Variants in ADGRL3 observed in about 807,000 individuals in gnomAD.
The protein encoded by ADGRL3 is adhesion G protein-coupled receptor L3.
ADGRL3 carries 62 observed loss-of-function variants against 153.5 expected under a neutral mutation model. The observed-to-expected ratio is 0.40, with a 90% CI of 0.33 to 0.50. ADGRL3 has a LOEUF of 0.50. ADGRL3 is among the 20% of genes least tolerant of loss of function. The probability of loss-of-function intolerance (pLI) is 0.47; values close to 1 mark genes in which losing one functional copy is unlikely to be tolerated. For missense variants in ADGRL3, 1,641 were observed against 1,859.4 expected (o/e 0.88, Z 2.16); for synonymous variants, 710 against 672.5 (o/e 1.06, Z -0.86).
chr4:61,334,694 G>C (rs755428808), intron 1 of ADGRL3, among the ~76,000 whole-genome samples: 4 of 151,800 alleles, frequency 2.6e-5, no homozygotes, highest in Non-Finnish European at 5.9e-5. Flanking sequence ...TGCTTTTTTG[G>C]GTTAGGAACA....
intron 8 of ADGRL3, among the ~76,000 whole-genome samples, chr4:61,771,596 T>G (rs369396125): frequency 6.6e-6 from 1 of 151,954 alleles, no homozygotes; most frequent in East Asian, 1.9e-4. Context: ...AATTAGTTAT[T>G]TTTTTAGAGA....
chr4:61,589,727 A>G (rs55636236), intron 5 of ADGRL3, among the ~76,000 whole-genome samples: 2,382 of 152,172 alleles, frequency 0.016, 68 homozygotes, highest in East Asian at 0.13. Flanking sequence ...CTTCAGAGTG[A>G]TGCAGTAGAC....
chr4:61,243,005 C>A (rs900312078), intron 1 of ADGRL3, among the ~76,000 whole-genome samples: 1 of 152,006 alleles, frequency 6.6e-6, no homozygotes, highest in African/African-American at 2.4e-5. Flanking sequence ...GTGCCATAAG[C>A]AGTCTACAAA....
At chr4:61,448,788 G>T in intron 2 of ADGRL3, among the ~76,000 whole-genome samples, 1 of 59,448 alleles carries the variant, frequency 1.7e-5, no homozygotes. Context: ...GGGAAGGAGG[G>T]AGGGTAGGAG....
chr4:61,954,945 G>A (rs2098960673), intron 17 of ADGRL3, among the ~76,000 whole-genome samples: 1 of 152,130 alleles, frequency 6.6e-6, no homozygotes, highest in Admixed American at 6.6e-5. Flanking sequence ...TTTGTTCACT[G>A]GGGTGCTCAG....
At chr4:61,308,290 C>T (rs531792629) in intron 1 of ADGRL3, among the ~76,000 whole-genome samples, 1 of 152,236 alleles carries the variant, frequency 6.6e-6, no homozygotes, top group South Asian at 2.1e-4. Context: ...GGAAAAGTCT[C>T]CCACCCTAAC....
chr4:61,313,935 C>T (rs1176482402), intron 1 of ADGRL3, among the ~76,000 whole-genome samples: 6 of 152,202 alleles, frequency 3.9e-5, no homozygotes, highest in African/African-American at 1.4e-4. Context: ...AACCTATAGA[C>T]ATGCCAGCTC....
intron 21 of ADGRL3, among the ~76,000 whole-genome samples, chr4:62,012,866 C>T (rs1046224994): frequency 3.3e-5 from 5 of 152,016 alleles, no homozygotes; most frequent in Non-Finnish European, 5.9e-5. Context: ...GGGATTTCAG[C>T]GTTATTAGTA....
chr4:61,280,421 G>GAAA (rs3035660), intron 1 of ADGRL3, among the ~76,000 whole-genome samples: 3 of 151,336 alleles, frequency 2.0e-5, no homozygotes, highest in Non-Finnish European at 2.9e-5. Context: ...TTTTCAAGAA[G>GAAA]TATAAATTAA....
intron 11 of ADGRL3, among the ~76,000 whole-genome samples, chr4:61,905,375 T>G (rs1560353466): frequency 6.6e-6 from 1 of 152,212 alleles, no homozygotes; most frequent in Admixed American, 6.5e-5. Context: ...TTTAAATGTA[T>G]GAATTTTAAT....
At chr4:61,840,106 G>A (rs898134668) in intron 9 of ADGRL3, among the ~76,000 whole-genome samples, 1 of 152,090 alleles carries the variant, frequency 6.6e-6, no homozygotes, top group African/African-American at 2.4e-5. Context: ...ATTTGAGAAG[G>A]AATATTTCTG....
At chr4:61,530,156 G>A (rs1331589414) in intron 4 of ADGRL3, among the ~76,000 whole-genome samples, 1 of 152,056 alleles carries the variant, frequency 6.6e-6, no homozygotes, top group East Asian at 1.9e-4. Flanking sequence ...CCACAGATTT[G>A]GACATTATCT....
chr4:61,314,607 G>A (rs965362772), intron 1 of ADGRL3, among the ~76,000 whole-genome samples: 2 of 152,166 alleles, frequency 1.3e-5, no homozygotes, highest in Non-Finnish European at 1.5e-5. Flanking sequence ...TTGCTGGCTC[G>A]TTGAAAAGTT....
At position 61,813,984 on chromosome 4, in the gene ADGRL3, G is replaced by A; in HGVS notation, c.1480+95G>A. The A allele has an allele frequency of 5.4e-6, 8 of 1,486,378 alleles. No individual in the cohort carries two copies. In the South Asian group the frequency reaches 6.5e-5, roughly 12 times the overall value. 92.1% of individuals were successfully genotyped at this position (1,486,378 alleles called of 1,614,324 possible). ...ATATGTATTTTGTAATGCAGTGCCT[G>A]TTCAAAAAGCAGGGGTAAAATGAAG... On this transcript the variant is annotated intron_variant, in intron 9 of 26. Coordinates refer to ENST00000683033, the MANE Select transcript of ADGRL3 (RefSeq NM_001387552.1).
At chr4:61,203,311 G>C (rs1393533087) in intron 1 of ADGRL3, among the ~76,000 whole-genome samples, 1 of 152,212 alleles carries the variant, frequency 6.6e-6, no homozygotes, top group Non-Finnish European at 1.5e-5. Context: ...CCCTGTGTCT[G>C]CGTGTGATCC....
At chr4:61,534,151 T>C (rs1168020400) in intron 4 of ADGRL3, among the ~76,000 whole-genome samples, 1 of 152,134 alleles carries the variant, frequency 6.6e-6, no homozygotes, top group Admixed American at 6.5e-5. Flanking sequence ...CCCAGTTTCA[T>C]TTTTCTGCAT....
chr4:62,038,453 G>A (rs568944877), intron 24 of ADGRL3, among the ~76,000 whole-genome samples: 1 of 152,224 alleles, frequency 6.6e-6, no homozygotes, highest in South Asian at 2.1e-4. Flanking sequence ...TAGGTAAACT[G>A]TGTGCCATTT....
chr4:61,889,155 A>G (rs1487816701), intron 9 of ADGRL3, among the ~76,000 whole-genome samples: 2 of 152,228 alleles, frequency 1.3e-5, no homozygotes, highest in East Asian at 3.9e-4. Context: ...AAGCTAAGGA[A>G]TTAATCCTAA....
intron 21 of ADGRL3, among the ~76,000 whole-genome samples, chr4:62,016,264 G>T (rs531158728): frequency 5.3e-5 from 8 of 152,188 alleles, no homozygotes; most frequent in Non-Finnish European, 1.0e-4. Flanking sequence ...GACCAGGATG[G>T]TCTTCATCTC....
Sources: gnomAD v4.1 joint callset for allele counts (sites outside exome capture counted in the v4.1 genomes callset) on GRCh38, gnomAD v4.1.1 for gene constraint, MANE v1.5 for transcripts, NCBI Gene and HGNC (gene_info 2026-07-23, HGNC 2026-07-21) for gene names.